NLRC5: variants seen among roughly 807,000 people sequenced by gnomAD.
NLRC5 encodes the protein protein NLRC5.
A neutral mutation model predicts 206.9 loss-of-function variants in NLRC5; 114 were observed. The ratio of observed to expected loss-of-function variants is 0.55; its 90% CI spans 0.47 to 0.64. The LOEUF is 0.64. Among genes scored for constraint, NLRC5 ranks in the 30% least tolerant of loss-of-function variants. NLRC5 has a pLI of 0.00. For synonymous variants in NLRC5, 952 were observed against 962.8 expected (o/e 0.99, Z 0.21); for missense variants, 2,008 against 2,305.5 (o/e 0.87, Z 2.64).
chr16:57,005,988 T>G (rs759696341), intron 1 of NLRC5, among the ~76,000 whole-genome samples: 24 of 151,952 alleles, frequency 1.6e-4, no homozygotes, highest in Non-Finnish European at 3.1e-4. Context: ...CCAGAAATAT[T>G]AATGTATTTG....
chr16:57,021,765 G>C (rs1265813884), intron 3 of NLRC5, among the ~76,000 whole-genome samples: 6 of 152,288 alleles, frequency 3.9e-5, no homozygotes, highest in African/African-American at 1.2e-4. Flanking sequence ...GGGATTTCTT[G>C]GGCACCTTCT....
intron 1 of NLRC5, among the ~76,000 whole-genome samples, chr16:56,994,783 A>T (rs1336377020): frequency 6.6e-6 from 1 of 152,038 alleles, no homozygotes; most frequent in Non-Finnish European, 1.5e-5. Context: ...GAGAGGAGGG[A>T]GAAGAGGAGA....
In NLRC5 at chr16:57,067,450, T is replaced by C; in HGVS notation, c.4386T>C (p.Cys1462=). 6.2e-7 allele frequency: 1 copy of C among 1,614,224 alleles called. No individual in the cohort carries two copies. Among genetic ancestry groups the C allele is most frequent in the Non-Finnish European group, 8.5e-7 (1 of 1,180,032 alleles). ...SLLVGQLMET[C]ARLQQLSLSQ... Reference sequence around the variant, plus strand: ...TTGTCGGGCAGCTGATGGAGACATGTGCCAGGCTGCAGCAGCTCAGGTCAG... The same window carrying C: ...TTGTCGGGCAGCTGATGGAGACATGCGCCAGGCTGCAGCAGCTCAGGTCAG... Residue 1462 remains cysteine, a synonymous_variant, in exon 35 of 49, where the codon TGT becomes TGC. Coordinates refer to ENST00000688547, the MANE Select transcript of NLRC5 (RefSeq NM_001384950.1).
Position 57,034,151 on chromosome 16 carries a change from C to A in NLRC5, c.2544-17C>A. On this transcript the variant is annotated splice_polypyrimidine_tract_variant and intron_variant, in intron 12 of 48. Transcript: ENST00000688547. ...GCTGTTTGCCCTGAGCCCTTCTGTCCCCCACTCCTACCCAAGGCTGCAGAA... is the reference window on the plus strand; with the variant it reads ...GCTGTTTGCCCTGAGCCCTTCTGTCACCCACTCCTACCCAAGGCTGCAGAA... The A allele has an allele frequency of 3.1e-6, 5 of 1,611,342 alleles. No individual in the cohort carries two copies. The highest frequency in any genetic ancestry group is 1.1e-5 in the South Asian group (1 of 90,788).
intron 45 of NLRC5, 21 bp from the exon 46 acceptor site, chr16:57,079,525 C>G: frequency 4.4e-6 from 7 of 1,607,930 alleles, no homozygotes; most frequent in Non-Finnish European, 6.0e-6. Context: ...CATCCCATCC[C>G]ATGCCCTTCT....
chr16:57,001,313 C>A (rs2058220698), intron 1 of NLRC5, among the ~76,000 whole-genome samples: 1 of 152,236 alleles, frequency 6.6e-6, no homozygotes, highest in Non-Finnish European at 1.5e-5. Context: ...GCTATCACCC[C>A]ACAAACTGCA....
At chr16:57,045,616 A>G (rs1264264594) in intron 21 of NLRC5, 124 bp downstream of exon 21, 1 of 817,104 alleles carries the variant, frequency 1.2e-6, no homozygotes, top group Admixed American at 2.1e-5. Flanking sequence ...CAAGTCCGGC[A>G]CACTAGGTTT....
At chr16:57,023,729 C>A (rs375009936) in intron 4 of NLRC5, 56 bp from the exon 5 acceptor site, 3 of 1,468,956 alleles carry the variant, frequency 2.0e-6, no homozygotes, top group Non-Finnish European at 2.8e-6. Flanking sequence ...TTCTGGGTAA[C>A]CCCTCAGCCC....
intron 26 of NLRC5, 40 bp downstream of exon 26, chr16:57,055,134 T>C (rs1327684973): frequency 2.5e-6 from 4 of 1,609,064 alleles, no homozygotes; most frequent in Middle Eastern, 1.7e-4. Context: ...CTAGTTGATG[T>C]TGGGGACCAG....
rs756246599 is a variant in NLRC5 at position 57,058,086 on chromosome 16, C to T, written c.3768C>T (p.Gly1256=). The T allele has an allele frequency of 2.2e-5, 35 of 1,612,304 alleles. No homozygotes were observed. In the Admixed American group the frequency reaches 3.5e-4, roughly 16 times the overall value. The change falls in exon 28 of 49, where the codon GGC becomes GGT. Residue 1256 remains glycine (G), a synonymous_variant. Coordinates refer to ENST00000688547, the MANE Select transcript of NLRC5 (RefSeq NM_001384950.1). ...SQVDLSANLL[G]DSGLRCLLEC... is the part of the protein sequence containing the mutation. ...ACAGTCTCTCAGCAAACCTGCTGGG[C>T]GACAGCGGACTCAGATGCCTTCTGG...
chr16:57,061,999 G>A (rs2066571559), intron 32 of NLRC5: 1 of 1,455,662 alleles, frequency 6.9e-7, no homozygotes, highest in Non-Finnish European at 9.1e-7. Flanking sequence ...CTGAAACGAA[G>A]TTCTTGTCTG....
At position 57,055,487 on chromosome 16, in the gene NLRC5, G is replaced by T. The variant is rs144081659; in HGVS notation, c.3714G>T (p.Leu1238Phe). 4 of 1,613,894 alleles carry T rather than the reference G, an allele frequency of 2.5e-6. No homozygotes were observed. The highest frequency in any genetic ancestry group is 3.4e-6 in the Non-Finnish European group (4 of 1,179,960). ...SQEHVESLCW[L>F]LSKCKDLSQV... ...AGCACGTAGAGTCACTCTGCTGGTT[G>T]CTGAGCAAGTGTAAAGACCTCAGCC... is the stretch of plus-strand genomic sequence containing the variant. Residue 1238 changes from leucine to phenylalanine, a missense_variant, in exon 27 of 49, where the codon TTG becomes TTT. Leu to Phe is a conservative substitution (Grantham distance 22, BLOSUM62 0). Transcript: ENST00000688547.
chr16:57,036,167 A>G lies in NLRC5; in HGVS notation c.2695A>G (p.Ile899Val), dbSNP rs763640976. The change falls in exon 14 of 49, where the codon ATC becomes GTC. Residue 899 changes from isoleucine to valine, a missense_variant. By Grantham distance (29) the Ile-to-Val change is conservative. Coordinates refer to ENST00000688547, the MANE Select transcript of NLRC5 (RefSeq NM_001384950.1). ...GGCAGAGGCTGCATCCCAGCTGCAC[A>G]TCGCCAGGAAGCTGGAGTGAGTTGT... Reference protein sequence around the residue: ...LMAEAASQLHIARKLDLSNNG... With the variant: ...LMAEAASQLHVARKLDLSNNG... 2.5e-6 allele frequency: 4 copies of G among 1,613,384 alleles called. No homozygotes were observed. The highest frequency in any genetic ancestry group is 3.4e-6 in the Non-Finnish European group (4 of 1,179,964).
Position 57,025,386 on chromosome 16 carries a change from T to C in NLRC5, c.443T>C (p.Leu148Pro). The C allele has an allele frequency of 6.5e-7, 1 of 1,541,690 alleles. No individual in the cohort carries two copies. The highest frequency in any genetic ancestry group is 1.3e-5 in the South Asian group (1 of 78,976). ...KQQLELAKKY[L>P]QLLRTSAQQR... ...CTTGCAGAGTTGGCCAAGAAGTACC[T>C]GCAGCTCCTGCGGACCTCTGCCCAG... The change falls in exon 6 of 49, where the codon CTG becomes CCG. Residue 148 changes from leucine (L) to proline (P), a missense_variant. By Grantham distance (98) the Leu-to-Pro change is moderately conservative. Transcript: ENST00000688547.
chr16:57,038,928 C>G (rs753723609), intron 15 of NLRC5, among the ~76,000 whole-genome samples: 10 of 141,778 alleles, frequency 7.1e-5, no homozygotes, highest in Non-Finnish European at 1.4e-4. Context: ...GAGCAAGACT[C>G]TGTCTCAAAT....
At chr16:57,003,436 G>A (rs556983957) in intron 1 of NLRC5, among the ~76,000 whole-genome samples, 1 of 152,100 alleles carries the variant, frequency 6.6e-6, no homozygotes, top group Non-Finnish European at 1.5e-5. Context: ...TGGGCATTAT[G>A]ATGACCCCCC....
intron 39 of NLRC5, among the ~76,000 whole-genome samples, chr16:57,076,476 C>T (rs1384951548): frequency 2.0e-5 from 3 of 152,342 alleles, no homozygotes; most frequent in African/African-American, 4.8e-5. Context: ...CGGGCCAGCC[C>T]GGAGATCCCT....
At chr16:57,015,974 AGAGGCT>A (rs1327767018) in intron 1 of NLRC5, among the ~76,000 whole-genome samples, 2 of 150,924 alleles carry the variant, frequency 1.3e-5, no homozygotes, top group East Asian at 3.9e-4. Flanking sequence ...AAGCACTTAA[AGAGGCT>A]GAGGCAGGCA....
chr16:57,062,533 C>T (rs1463253656), intron 32 of NLRC5: 1 of 166,932 alleles, frequency 6.0e-6, no homozygotes, highest in Admixed American at 6.0e-5. Flanking sequence ...GCAGACTGTC[C>T]TGCTCCTGAC....
Sources: gnomAD v4.1 joint callset for allele counts (sites outside exome capture counted in the v4.1 genomes callset) on GRCh38, gnomAD v4.1.1 for gene constraint, MANE v1.5 for transcripts, NCBI Gene and HGNC (gene_info 2026-07-23, HGNC 2026-07-21) for gene names.